The following PTPRO variants were observed in gnomAD, a reference collection of about 807,000 sequenced individuals.
The protein encoded by PTPRO is receptor-type tyrosine-protein phosphatase O.
Under a neutral mutation model 145.2 loss-of-function variants are expected in PTPRO, and 62 were observed. That is an observed-to-expected ratio of 0.43 (90% CI 0.35 to 0.53). The LOEUF (loss-of-function observed/expected upper bound fraction) is 0.53, where lower values mean the gene tolerates loss of function less well. Among genes scored for constraint, PTPRO ranks in the 20% least tolerant of loss-of-function variants. PTPRO has a pLI of 0.01. For synonymous variants in PTPRO, 565 were observed against 514.7 expected, an observed-to-expected ratio of 1.10 and a Z score of -1.32; for missense variants, 1,345 against 1,482.7, an observed-to-expected ratio of 0.91 and a Z score of 1.53.
intron 7 of PTPRO, among the ~76,000 whole-genome samples, chr12:15,513,410 G>A (rs182082725): frequency 1.0e-3 from 156 of 152,078 alleles, no homozygotes; most frequent in African/African-American, 3.6e-3. Context: ...ATATGAAAGA[G>A]TATAAATATG....
chr12:15,394,686 G>T (rs1293184694), intron 1 of PTPRO, among the ~76,000 whole-genome samples: 2 of 152,188 alleles, frequency 1.3e-5, no homozygotes, highest in Non-Finnish European at 2.9e-5. Flanking sequence ...ATGGGACAAG[G>T]TGGGGATGCA....
At chr12:15,557,373 GTA>G (rs1943660997) in intron 15 of PTPRO, 80 bp from the exon 16 acceptor site, 1 of 1,252,768 alleles carries the variant, frequency 8.0e-7, no homozygotes, top group Non-Finnish European at 1.2e-6. Flanking sequence ...TGATAAGCTG[GTA>G]AAGACTCTCT....
At chr12:15,468,583 C>G (rs139771286) in intron 1 of PTPRO, among the ~76,000 whole-genome samples, 9 of 152,308 alleles carry the variant, frequency 5.9e-5, no homozygotes, top group Middle Eastern at 3.4e-3. Context: ...CTGCAGCCAC[C>G]TGCTAGGAGC....
intron 1 of PTPRO, among the ~76,000 whole-genome samples, chr12:15,408,321 A>T (rs2136308755): frequency 6.6e-6 from 1 of 152,266 alleles, no homozygotes; most frequent in African/African-American, 2.4e-5. Context: ...AAGATCAATC[A>T]TATCCTGTTT....
rs1365551340 is a variant in PTPRO at position 15,360,769 on chromosome 12, T to C, written c.75+37968T>C. Among the ~76,000 whole-genome samples the C allele has an allele frequency of 2.0e-5, 3 of 148,622 alleles. No homozygotes were observed. In the East Asian group the frequency reaches 6.1e-4, roughly 30 times the overall value. ...CTATGTGTGTGTATATGTGTGTATA[T>C]ATACGTGTGTATATATGTGTGTATA... On this transcript the variant is annotated intron_variant, in intron 1 of 26. Transcript: ENST00000281171.
At chr12:15,561,853 C>T (rs1943781118) in intron 17 of PTPRO, among the ~76,000 whole-genome samples, 1 of 152,036 alleles carries the variant, frequency 6.6e-6, no homozygotes, top group South Asian at 2.1e-4. Context: ...TCTCATTTTC[C>T]ACAGTGCGTT....
intron 26 of PTPRO, chr12:15,595,388 CTATCTAGAT>C (rs878984664): frequency 3.8e-5 from 12 of 319,572 alleles, no homozygotes; most frequent in South Asian, 3.1e-4. Flanking sequence ...CCATCCAAAT[CTATCTAGAT>C]ATCTTGTGCA....
chr12:15,506,047 A>G (rs552030979), intron 6 of PTPRO, among the ~76,000 whole-genome samples: 1 of 152,326 alleles, frequency 6.6e-6, no homozygotes, highest in Admixed American at 6.5e-5. Context: ...ATAACTCAGG[A>G]ATATTTGATA....
Position 15,499,567 on chromosome 12 carries a change from A to T in PTPRO, c.634A>T (p.Ser212Cys). The T allele has an allele frequency of 6.2e-7, 1 of 1,613,892 alleles. No homozygotes were observed. The highest frequency in any genetic ancestry group is 8.5e-7 in the Non-Finnish European group (1 of 1,179,818). The change falls in exon 4 of 27, where the codon AGT (serine) becomes TGT (cysteine). Residue 212 changes from serine (S) to cysteine (C), a missense_variant. Physicochemically the swap from Ser to Cys is moderately radical, Grantham distance 112. Coordinates refer to ENST00000281171, the MANE Select transcript of PTPRO (RefSeq NM_030667.3). ...TACCCTTGTTGAGTACAGTGGTGTCAGTCACGAACCCAAACAGCACAGAAC... is the reference window on the plus strand; with the variant it reads ...TACCCTTGTTGAGTACAGTGGTGTCTGTCACGAACCCAAACAGCACAGAAC... The part of the protein sequence containing the change: ...KSTLVEYSGV[S>C]HEPKQHRTAP...
At chr12:15,540,043 C>T (rs950603733) in intron 12 of PTPRO, among the ~76,000 whole-genome samples, 2 of 151,890 alleles carry the variant, frequency 1.3e-5, no homozygotes, top group African/African-American at 4.8e-5. Flanking sequence ...ACAAAGACTT[C>T]TGCTGTTTAA....
chr12:15,444,497 A>G (rs1386153900), intron 1 of PTPRO, among the ~76,000 whole-genome samples: 1 of 152,138 alleles, frequency 6.6e-6, no homozygotes, highest in African/African-American at 2.4e-5. Context: ...AAAAATTGAA[A>G]AAGAAAAAAA....
intron 15 of PTPRO, among the ~76,000 whole-genome samples, chr12:15,554,428 A>ATC (rs1228160643): frequency 6.6e-6 from 1 of 151,068 alleles, no homozygotes; most frequent in African/African-American, 2.4e-5. Context: ...ATATATATAT[A>ATC]TCTCCTATTA....
At chr12:15,409,899 C>T (rs1939750228) in intron 1 of PTPRO, among the ~76,000 whole-genome samples, 1 of 152,326 alleles carries the variant, frequency 6.6e-6, no homozygotes, top group East Asian at 1.9e-4. Flanking sequence ...TTGGGGATTA[C>T]ATTTCAATAT....
At chr12:15,553,997 C>A (rs1270661098) in intron 15 of PTPRO, among the ~76,000 whole-genome samples, 1 of 152,132 alleles carries the variant, frequency 6.6e-6, no homozygotes, top group East Asian at 1.9e-4. Flanking sequence ...GAGTTCGAGA[C>A]CAGCCTGACA....
In PTPRO at chr12:15,485,875, T is replaced by C. The variant is rs569511087; in HGVS notation, c.349+1628T>C. On this transcript the variant is annotated intron_variant, in intron 2 of 26. Transcript: ENST00000281171. ...TTGAATATCCAAAAATTTGGAAATT[T>C]TGCAGACATCTTTTTTCACTGATTC... Among the ~76,000 whole-genome samples, 3 of 152,340 alleles carry C rather than the reference T, an allele frequency of 2.0e-5. No individual in the cohort carries two copies. The East Asian group carries it at 5.8e-4, about 29-fold the overall frequency.
intron 1 of PTPRO, among the ~76,000 whole-genome samples, chr12:15,356,114 C>G (rs766650503): frequency 3.8e-4 from 58 of 152,230 alleles, no homozygotes; most frequent in Non-Finnish European, 6.8e-4. Flanking sequence ...ATAGATGTTA[C>G]TAGCAACTAA....
At chr12:15,339,827 A>G (rs914746883) in intron 1 of PTPRO, among the ~76,000 whole-genome samples, 1 of 152,184 alleles carries the variant, frequency 6.6e-6, no homozygotes, top group East Asian at 1.9e-4. Context: ...TTTCTTCTAC[A>G]TGTTTGTATT....
chr12:15,565,539 T>C (rs1943875491), intron 17 of PTPRO, 54 bp from the exon 18 acceptor site: 1 of 1,179,424 alleles, frequency 8.5e-7, no homozygotes, highest in Non-Finnish European at 1.3e-6. Context: ...TTAATTATTA[T>C]GTTAATCAAT....
intron 1 of PTPRO, among the ~76,000 whole-genome samples, chr12:15,463,227 CT>C (rs1218179868): frequency 6.6e-6 from 1 of 152,048 alleles, no homozygotes; most frequent in Non-Finnish European, 1.5e-5. Context: ...AAAGGTTCAG[CT>C]TTTATTAATT....
Sources: gnomAD v4.1 joint callset for allele counts (sites outside exome capture counted in the v4.1 genomes callset) on GRCh38, gnomAD v4.1.1 for gene constraint, MANE v1.5 for transcripts, NCBI Gene and HGNC (gene_info 2026-07-23, HGNC 2026-07-21) for gene names.